Variants in RHOBTB3 observed in about 807,000 individuals in gnomAD.
RHOBTB3 encodes Rho related BTB domain containing 3, also known as rho-related BTB domain-containing protein 3.
A neutral mutation model predicts 67.2 loss-of-function variants in RHOBTB3; 47 were observed. The ratio of observed to expected loss-of-function variants is 0.70; its 90% CI spans 0.55 to 0.89. The LOEUF is 0.89. Among genes scored for constraint, RHOBTB3 ranks in the 40% least tolerant of loss-of-function variants. RHOBTB3 has a pLI of 0.00. For synonymous variants in RHOBTB3, 273 were observed against 274.2 expected (o/e 1.00, Z 0.04); for missense variants, 631 against 750.0 (o/e 0.84, Z 1.85).
rs762977461 is a variant in RHOBTB3 at position 95,783,938 on chromosome 5, T to C, written c.1598T>C (p.Ile533Thr). Residue 533 changes from isoleucine (I) to threonine (T), a missense_variant, in exon 10 of 12, where the codon ATA becomes ACA. Coordinates refer to ENST00000379982, the MANE Select transcript of RHOBTB3 (RefSeq NM_014899.4). ...GAACTGGCATCCATGAACCTTGATA[T>C]AGTTGACCTGCTTAAAAAGGCCAAG... ...SRELASMNLD[I>T]VDLLKKAKFH... is the part of the protein sequence containing the mutation. 3.7e-6 allele frequency: 6 copies of C among 1,613,110 alleles called. No individual in the cohort carries two copies. The highest frequency in any genetic ancestry group is 4.2e-6 in the Non-Finnish European group (5 of 1,179,340).
chr5:95,757,992 T>A (rs1364491631), intron 6 of RHOBTB3, among the ~76,000 whole-genome samples: 1 of 152,214 alleles, frequency 6.6e-6, no homozygotes, highest in African/African-American at 2.4e-5. Context: ...TAATCATATG[T>A]TTAAGGAACT....
At chr5:95,783,716 T>G (rs1228193120) in intron 9 of RHOBTB3, 81 bp from the exon 10 acceptor site, 2 of 1,223,674 alleles carry the variant, frequency 1.6e-6, no homozygotes, top group South Asian at 1.6e-5. Context: ...TTAATTGTTG[T>G]TTTTTGTTGG....
chr5:95,794,759 A>G lies in RHOBTB3; in HGVS notation c.*1585A>G, dbSNP rs536639356. On this transcript the variant is annotated 3_prime_UTR_variant, in exon 12 of 12. Coordinates refer to ENST00000379982, the MANE Select transcript of RHOBTB3 (RefSeq NM_014899.4). Reference sequence around the variant, plus strand: ...TTTGATTAAATGGTTTTATAGTATAATATTGGGACCCCATACCGTTAGCCC... The same window carrying G: ...TTTGATTAAATGGTTTTATAGTATAGTATTGGGACCCCATACCGTTAGCCC... 1 of 152,304 alleles carries G rather than the reference A, an allele frequency of 6.6e-6. No individual in the cohort carries two copies. Among genetic ancestry groups the G allele is most frequent in the African/African-American group, 2.4e-5 (1 of 41,546 alleles). 9.4% of individuals were successfully genotyped at this position (152,304 alleles called of 1,614,324 possible). A position where few individuals can be genotyped will look rare whatever the true frequency, so the allele number is the denominator to read the frequency against.
chr5:95,720,455 C>T (rs1222407287), intron 1 of RHOBTB3, among the ~76,000 whole-genome samples: 1 of 152,122 alleles, frequency 6.6e-6, no homozygotes, highest in East Asian at 1.9e-4. Context: ...TAATAAAATG[C>T]ACTGGTTGAA....
chr5:95,768,533 G>C (rs1311133106), intron 8 of RHOBTB3, among the ~76,000 whole-genome samples: 1 of 151,974 alleles, frequency 6.6e-6, no homozygotes, highest in Admixed American at 6.6e-5. Context: ...TTTATCTCTA[G>C]CTTATTTTAT....
chr5:95,739,276 CA>C (rs1034327537), intron 3 of RHOBTB3, among the ~76,000 whole-genome samples: 4 of 152,174 alleles, frequency 2.6e-5, no homozygotes, highest in African/African-American at 4.8e-5. Flanking sequence ...ACATTTTAAA[CA>C]AATCTCAAAC....
chr5:95,728,600 A>G (rs1580386350), upstream of RHOBTB3, among the ~76,000 whole-genome samples: 1 of 152,294 alleles, frequency 6.6e-6, no homozygotes, highest in Non-Finnish European at 1.5e-5. Flanking sequence ...GCCTAGGTCT[A>G]GGAACTAGAA....
rs1236734121 is a variant in RHOBTB3 at position 95,731,964 on chromosome 5, C to T, written c.108C>T (p.Ser36=). ...ACCTGGGGAGAAGCCCTCTGGTCTC[C>T]GGGGACGAGAGCAGCTTGTTGCTGA... ...RTYLGRSPLV[S]GDESSLLLNA... is the part of the protein sequence containing the mutation. The change falls in exon 2 of 12, where the codon TCC becomes TCT. Residue 36 remains serine, a synonymous_variant. Coordinates refer to ENST00000379982, the MANE Select transcript of RHOBTB3 (RefSeq NM_014899.4). 1.9e-6 allele frequency: 3 copies of T among 1,614,148 alleles called. No homozygotes were observed. Among genetic ancestry groups the T allele is most frequent in the East Asian group, 2.2e-5 (1 of 44,870 alleles).
intron 11 of RHOBTB3, among the ~76,000 whole-genome samples, chr5:95,791,797 C>T (rs1463262864): frequency 5.9e-5 from 9 of 151,974 alleles, no homozygotes; most frequent in African/African-American, 1.9e-4. Context: ...CCGCCCGCCT[C>T]GGCCTCCCAA....
chr5:95,765,346 A>G (rs1365936453), intron 7 of RHOBTB3, among the ~76,000 whole-genome samples: 1 of 152,210 alleles, frequency 6.6e-6, no homozygotes, highest in Admixed American at 6.5e-5. Context: ...TGAGAATAAA[A>G]TGAATTCTTA....
chr5:95,724,726 T>C (rs1296301993), intron 1 of RHOBTB3, among the ~76,000 whole-genome samples: 3 of 152,168 alleles, frequency 2.0e-5, no homozygotes, highest in Non-Finnish European at 4.4e-5. Flanking sequence ...TCTTGCCTCT[T>C]TTTTCAGGTG....
rs141274597 is a variant in RHOBTB3 at position 95,744,749 on chromosome 5, TTTTG to T, written c.416-3568_416-3565del. 3.3e-3 allele frequency among the ~76,000 whole-genome samples: 495 copies of T among 152,194 alleles called. 3 individuals are homozygous for T. Among genetic ancestry groups the T allele is most frequent in the Non-Finnish European group, 5.4e-3 (368 of 67,998 alleles). ...AATTCCCTTGGAACTCTTTTTAACT[TTTTG>T]TTTGTTTGTTTGTTTTTTGTTTTAA... On this transcript the variant is annotated intron_variant, in intron 3 of 11. Coordinates refer to ENST00000379982, the MANE Select transcript of RHOBTB3 (RefSeq NM_014899.4).
At chr5:95,758,184 T>C (rs954863177) in intron 6 of RHOBTB3, among the ~76,000 whole-genome samples, 1 of 152,182 alleles carries the variant, frequency 6.6e-6, no homozygotes, top group African/African-American at 2.4e-5. Flanking sequence ...CCTGCCTAGC[T>C]TTCTCCTAGG....
At chr5:95,752,402 C>G in intron 5 of RHOBTB3, 52 bp downstream of exon 5, 1 of 1,168,684 alleles carries the variant, frequency 8.6e-7, no homozygotes, top group East Asian at 2.4e-5. Flanking sequence ...ATTACAGATC[C>G]TTTCTCACAG....
At chr5:95,730,996 C>A, upstream of RHOBTB3, 1 of 619,478 alleles carries the variant, frequency 1.6e-6, no homozygotes, top group East Asian at 6.9e-5. Flanking sequence ...TTTTTCCAGT[C>A]CGGAGTGAGC....
intron 3 of RHOBTB3, among the ~76,000 whole-genome samples, chr5:95,744,812 T>A (rs1186625526): frequency 6.6e-6 from 1 of 152,158 alleles, no homozygotes; most frequent in Non-Finnish European, 1.5e-5. Flanking sequence ...GACTCACGCC[T>A]GTAATCCCAG....
chr5:95,767,303 A>G (rs1187571435), intron 7 of RHOBTB3, among the ~76,000 whole-genome samples: 1 of 151,958 alleles, frequency 6.6e-6, no homozygotes, highest in East Asian at 1.9e-4. Flanking sequence ...TAAGTAGAAG[A>G]AGGATATGGT....
intron 7 of RHOBTB3, among the ~76,000 whole-genome samples, chr5:95,763,858 G>C (rs1031014908): frequency 6.6e-6 from 1 of 151,806 alleles, no homozygotes; most frequent in African/African-American, 2.4e-5. Context: ...GCCCAGGTGG[G>C]AGTGCGTTGG....
In RHOBTB3 at chr5:95,731,993, C is replaced by T. The variant is rs1327511662; in HGVS notation, c.137C>T (p.Ala46Val). 2 of 1,614,160 alleles carry T rather than the reference C, an allele frequency of 1.2e-6. No homozygotes were observed. The highest frequency in any genetic ancestry group is 1.3e-5 in the African/African-American group (1 of 75,042). ...GACGAGAGCAGCTTGTTGCTGAACG[C>T]GGCCAGCACGGTCGCGCGTCCGGTG... ...SGDESSLLLNAASTVARPVFT... is the reference protein window; with the variant it reads ...SGDESSLLLNVASTVARPVFT... The change falls in exon 2 of 12, where the codon GCG (alanine) becomes GTG (valine). Residue 46 changes from alanine to valine, a missense_variant. Coordinates refer to ENST00000379982, the MANE Select transcript of RHOBTB3 (RefSeq NM_014899.4).
Sources: gnomAD v4.1 joint callset for allele counts (sites outside exome capture counted in the v4.1 genomes callset) on GRCh38, gnomAD v4.1.1 for gene constraint, MANE v1.5 for transcripts, NCBI Gene and HGNC (gene_info 2026-07-23, HGNC 2026-07-21) for gene names.